The following RIN2 variants were observed in gnomAD, a reference collection of about 807,000 sequenced individuals.
RIN2 encodes RAB5 interacting protein 2.
RIN2 carries 36 observed loss-of-function variants against 78.0 expected under a neutral mutation model. That is an observed-to-expected ratio of 0.46 (90% CI 0.35 to 0.61). RIN2 has a LOEUF of 0.61. Ranked by LOEUF, RIN2 falls within the 20% of genes least tolerant of loss-of-function variation. RIN2 has a pLI of 0.00. For missense variants in RIN2, 1,087 were observed against 1,159.7 expected (o/e 0.94, Z 0.91); for synonymous variants, 466 against 466.8 (o/e 1.00, Z 0.02).
At chr20:19,919,664 G>A (rs2039831897) in intron 3 of RIN2, among the ~76,000 whole-genome samples, 1 of 151,788 alleles carries the variant, frequency 6.6e-6, no homozygotes, top group African/African-American at 2.4e-5. Context: ...AAATTAGCCA[G>A]GCGTGGTGGC....
intron 8 of RIN2, among the ~76,000 whole-genome samples, chr20:19,971,582 T>C (rs2042108869): frequency 6.6e-6 from 1 of 152,130 alleles, no homozygotes; most frequent in Non-Finnish European, 1.5e-5. Flanking sequence ...CTCACTGTGA[T>C]ACTTGACCCA....
intron 3 of RIN2, among the ~76,000 whole-genome samples, chr20:19,900,780 G>T (rs145130754): frequency 1.4e-4 from 21 of 151,340 alleles, no homozygotes; most frequent in Non-Finnish European, 2.2e-4. Context: ...GATAAACCTC[G>T]TCTCTACTAA....
intron 3 of RIN2, among the ~76,000 whole-genome samples, chr20:19,931,318 CTT>C (rs35320902): frequency 0.07 from 10,624 of 151,542 alleles, 519 homozygotes; most frequent in African/African-American, 0.14. Context: ...TTTAAAAAAA[CTT>C]TTTATAGAGA....
At chr20:19,933,665 C>T (rs1055853195) in intron 3 of RIN2, among the ~76,000 whole-genome samples, 4 of 152,186 alleles carry the variant, frequency 2.6e-5, no homozygotes, top group African/African-American at 9.7e-5. Context: ...CATTTTAGAA[C>T]AAGCTTTAAG....
At position 19,784,318 on chromosome 20, in the gene RIN2, TTATGTGTGTGTGTGTG is replaced by T. The variant is rs35994780; in HGVS notation, c.-162-15290_-162-15275del. On this transcript the variant is annotated intron_variant, in intron 1 of 12. Coordinates refer to ENST00000255006, the MANE Select transcript of RIN2 (RefSeq NM_018993.4). ...AGTGGTCAGAAAGGAATTTAAACAA[TTATGTGTGTGTGTGTG>T]TATGTGTGTGTGTATGCATTTAGTT... Among the ~76,000 whole-genome samples the T allele has an allele frequency of 7.6e-3, 1,148 of 151,304 alleles. 10 individuals carry two copies. The highest frequency in any genetic ancestry group is 0.027 in the African/African-American group (1,094 of 41,256).
At chr20:19,856,605 AAAGGAAGG>A (rs1015291248) in intron 2 of RIN2, among the ~76,000 whole-genome samples, 2 of 149,682 alleles carry the variant, frequency 1.3e-5, no homozygotes, top group Admixed American at 1.3e-4. Flanking sequence ...AGGATGGAAG[AAAGGAAGG>A]AAGGAAGGAA....
At chr20:19,939,822 A>G (rs1477964902) in intron 4 of RIN2, among the ~76,000 whole-genome samples, 4 of 150,016 alleles carry the variant, frequency 2.7e-5, no homozygotes, top group African/African-American at 9.8e-5. Context: ...CACAGGACAT[A>G]TATTCACTTG....
intron 2 of RIN2, among the ~76,000 whole-genome samples, chr20:19,830,171 C>A (rs934169008): frequency 6.6e-6 from 1 of 152,156 alleles, no homozygotes; most frequent in Admixed American, 6.5e-5. Context: ...TTTAAAATAT[C>A]ATTTTTATGA....
intron 2 of RIN2, among the ~76,000 whole-genome samples, chr20:19,835,486 CATAA>C (rs2036395024): frequency 6.6e-6 from 1 of 152,046 alleles, no homozygotes; most frequent in Admixed American, 6.5e-5. Flanking sequence ...TAAAAAAGGA[CATAA>C]ATAAAGTCTA....
intron 3 of RIN2, among the ~76,000 whole-genome samples, chr20:19,892,960 T>A (rs1168528772): frequency 1.3e-5 from 2 of 152,212 alleles, no homozygotes; most frequent in African/African-American, 4.8e-5. Context: ...CCAAGCTCTG[T>A]ACGTGGCCAG....
intron 3 of RIN2, among the ~76,000 whole-genome samples, chr20:19,909,962 G>A (rs1364182219): frequency 1.3e-5 from 2 of 152,132 alleles, no homozygotes; most frequent in Non-Finnish European, 2.9e-5. Context: ...AGCTGCACAC[G>A]CTTCCTCCAG....
intron 2 of RIN2, among the ~76,000 whole-genome samples, chr20:19,826,685 T>C (rs1307747984): frequency 6.6e-6 from 1 of 152,182 alleles, no homozygotes; most frequent in African/African-American, 2.4e-5. Flanking sequence ...CTCTGTTCAA[T>C]CCTTATCCTG....
At chr20:19,855,765 A>C (rs1330366697) in intron 2 of RIN2, among the ~76,000 whole-genome samples, 3 of 152,176 alleles carry the variant, frequency 2.0e-5, no homozygotes, top group Non-Finnish European at 2.9e-5. Context: ...TGGGGGAAAA[A>C]AATCCCAGAG....
intron 3 of RIN2, among the ~76,000 whole-genome samples, chr20:19,908,364 G>A (rs892688190): frequency 2.0e-4 from 31 of 152,122 alleles, no homozygotes; most frequent in Admixed American, 4.6e-4. Context: ...GGTGGCGGGC[G>A]CCTGCAGTCC....
At chr20:19,770,325 T>C (rs114550361) in intron 1 of RIN2, among the ~76,000 whole-genome samples, 1 of 152,292 alleles carries the variant, frequency 6.6e-6, no homozygotes, top group African/African-American at 2.4e-5. Flanking sequence ...AGGACTGCCT[T>C]TGAGGAAAAC....
rs2042203528 is a variant in RIN2 at position 19,974,512 on chromosome 20, T to G, written c.629-142T>G. 1.3e-5 allele frequency: 10 copies of G among 762,356 alleles called. No homozygotes were observed. In the South Asian group the frequency reaches 2.0e-4, roughly 15 times the overall value. 47.2% of individuals were successfully genotyped at this position (762,356 alleles called of 1,614,324 possible). ...CTTTCTGCCCTTTCCAGTAAAGGAA[T>G]GCAGTAAACCTGAGTACAACGCACC... is the stretch of plus-strand genomic sequence containing the variant. On this transcript the variant is annotated intron_variant, in intron 8 of 12. Coordinates refer to ENST00000255006, the MANE Select transcript of RIN2 (RefSeq NM_018993.4).
chr20:19,949,168 G>A (rs1406963398), intron 4 of RIN2, among the ~76,000 whole-genome samples: 2 of 152,178 alleles, frequency 1.3e-5, no homozygotes, highest in Non-Finnish European at 2.9e-5. Context: ...TGTAATCCCA[G>A]CTACTTAGGA....
At chr20:19,786,484 CCA>C (rs977870285) in intron 1 of RIN2, among the ~76,000 whole-genome samples, 5 of 152,172 alleles carry the variant, frequency 3.3e-5, no homozygotes, top group Admixed American at 2.0e-4. Context: ...TTCCCCACCC[CCA>C]CACACTCTGC....
chr20:19,840,082 C>T (rs2036537400), intron 2 of RIN2, among the ~76,000 whole-genome samples: 1 of 152,124 alleles, frequency 6.6e-6, no homozygotes, highest in Non-Finnish European at 1.5e-5. Context: ...ATTCTTCTTC[C>T]AGCTTTATTG....
Sources: gnomAD v4.1 joint callset for allele counts (sites outside exome capture counted in the v4.1 genomes callset) on GRCh38, gnomAD v4.1.1 for gene constraint, MANE v1.5 for transcripts, NCBI Gene and HGNC (gene_info 2026-07-23, HGNC 2026-07-21) for gene names.